The following FARS2 variants were observed in gnomAD, a reference collection of about 807,000 sequenced individuals.
FARS2 encodes phenylalanine--tRNA ligase, mitochondrial.
A neutral mutation model predicts 46.4 loss-of-function variants in FARS2; 40 were observed. The observed-to-expected ratio is 0.86, with a 90% CI of 0.67 to 1.12. The LOEUF (loss-of-function observed/expected upper bound fraction) is 1.12, where lower values mean the gene tolerates loss of function less well. Ranked by LOEUF, FARS2 falls within the 50% of genes most tolerant of loss-of-function variation. The pLI is 0.00. For synonymous variants in FARS2, 234 were observed against 214.9 expected, an observed-to-expected ratio of 1.09 and a Z score of -0.78; for missense variants, 513 against 567.9, an observed-to-expected ratio of 0.90 and a Z score of 0.98.
intron 4 of FARS2, among the ~76,000 whole-genome samples, chr6:5,473,731 GATT>G (rs1349631024): frequency 6.6e-6 from 1 of 151,798 alleles, no homozygotes; most frequent in Non-Finnish European, 1.5e-5. Context: ...GGCTAAATTG[GATT>G]ATCTTTGTTA....
At chr6:5,635,309 G>GT (rs1379204514) in intron 6 of FARS2, among the ~76,000 whole-genome samples, 1 of 152,202 alleles carries the variant, frequency 6.6e-6, no homozygotes, top group Non-Finnish European at 1.5e-5. Context: ...TGTGTTTTAT[G>GT]TTTACTCTAG....
chr6:5,269,386 C>G (rs1287321385), intron 1 of FARS2, among the ~76,000 whole-genome samples: 1 of 150,922 alleles, frequency 6.6e-6, no homozygotes, highest in East Asian at 1.9e-4. Flanking sequence ...ATACCTAATG[C>G]CAGCATGGCA....
chr6:5,353,585 C>T (rs1482663221), intron 1 of FARS2, among the ~76,000 whole-genome samples: 7 of 152,028 alleles, frequency 4.6e-5, no homozygotes, highest in African/African-American at 1.7e-4. Flanking sequence ...CCATTCTAAC[C>T]GGGGCAAGGT....
chr6:5,312,345 G>A lies in FARS2; in HGVS notation c.-22+50685G>A, dbSNP rs183674776. On this transcript the variant is annotated intron_variant, in intron 1 of 6. Transcript: ENST00000274680. ...TGTAGTATTTTTTGTGTTTCAGAAG[G>A]CCTTTTTTATACACTTTCACTTAAA... Among the ~76,000 whole-genome samples the A allele has an allele frequency of 2.6e-5, 4 of 152,190 alleles. No homozygotes were observed. In the East Asian group the frequency reaches 5.8e-4, roughly 22 times the overall value.
At chr6:5,363,027 C>T (rs1758416326) in intron 1 of FARS2, among the ~76,000 whole-genome samples, 1 of 150,264 alleles carries the variant, frequency 6.7e-6, no homozygotes, top group Non-Finnish European at 1.5e-5. Context: ...CCTGGGTTCA[C>T]ACCATTCTCC....
chr6:5,465,886 T>C (rs1468738758), intron 4 of FARS2, among the ~76,000 whole-genome samples: 2 of 152,164 alleles, frequency 1.3e-5, no homozygotes, highest in Admixed American at 1.3e-4. Context: ...GAATTTTTTT[T>C]CAAAAATAGT....
chr6:5,267,772 C>T (rs994191155), intron 1 of FARS2, among the ~76,000 whole-genome samples: 5 of 149,464 alleles, frequency 3.3e-5, no homozygotes, highest in South Asian at 4.2e-4. Flanking sequence ...AAAAAAAAAT[C>T]GCCACACTGT....
the FARS2 span, among the ~76,000 whole-genome samples, chr6:5,250,985 C>T: frequency 6.6e-6 from 1 of 152,206 alleles, no homozygotes. Context: ...AAGGTGTCTC[C>T]TCAGCCCCAG....
chr6:5,684,608 T>C (rs1354521828), intron 6 of FARS2, among the ~76,000 whole-genome samples: 1 of 152,170 alleles, frequency 6.6e-6, no homozygotes, highest in African/African-American at 2.4e-5. Flanking sequence ...AGGAGCTAGC[T>C]TCACCCTCCA....
chr6:5,687,119 T>C (rs1197141110), intron 6 of FARS2, among the ~76,000 whole-genome samples: 2 of 152,238 alleles, frequency 1.3e-5, no homozygotes, highest in Middle Eastern at 3.2e-3. Flanking sequence ...GATAAGTAGA[T>C]TGCAAAAATT....
chr6:5,475,875 C>T (rs1582214959), intron 4 of FARS2, among the ~76,000 whole-genome samples: 1 of 152,080 alleles, frequency 6.6e-6, no homozygotes, highest in African/African-American at 2.4e-5. Context: ...GGATGCCGGT[C>T]GTTGCTCCCC....
intron 6 of FARS2, among the ~76,000 whole-genome samples, chr6:5,720,400 A>C (rs1000347446): frequency 2.0e-5 from 3 of 152,120 alleles, no homozygotes; most frequent in African/African-American, 7.2e-5. Context: ...CCAGATGTTA[A>C]TTGATCAGTT....
chr6:5,493,223 AAAAAAG>A (rs1467873225), intron 4 of FARS2, among the ~76,000 whole-genome samples: 1 of 151,780 alleles, frequency 6.6e-6, no homozygotes, highest in Non-Finnish European at 1.5e-5. Flanking sequence ...AAAAAAAAAA[AAAAAAG>A]AAAAAGAAAG....
chr6:5,317,776 ATC>A (rs1052969866), intron 1 of FARS2, among the ~76,000 whole-genome samples: 5 of 151,462 alleles, frequency 3.3e-5, no homozygotes, highest in African/African-American at 1.2e-4. Flanking sequence ...CAAAGACCCT[ATC>A]TCAAAAAAAA....
At chr6:5,528,494 T>C (rs2150447141) in intron 4 of FARS2, among the ~76,000 whole-genome samples, 1 of 152,314 alleles carries the variant, frequency 6.6e-6, no homozygotes. Context: ...TTTATAGGTC[T>C]TTCTCTCTCT....
intron 5 of FARS2, among the ~76,000 whole-genome samples, chr6:5,565,840 A>G (rs1404665495): frequency 6.6e-6 from 1 of 152,202 alleles, no homozygotes; most frequent in Non-Finnish European, 1.5e-5. Flanking sequence ...TGCCAAAATG[A>G]TGACTCAAAA....
In FARS2 at chr6:5,447,432, T is replaced by C. The variant is rs570279177; in HGVS notation, c.904+16260T>C. On this transcript the variant is annotated intron_variant, in intron 4 of 6. Transcript: ENST00000274680. ...CTGCCACTGATACCCTCCAAAGAATTGTAGGTGAATTCCACAGCATGCTTT... is the reference window on the plus strand; with the variant it reads ...CTGCCACTGATACCCTCCAAAGAATCGTAGGTGAATTCCACAGCATGCTTT... Among the ~76,000 whole-genome samples the C allele has an allele frequency of 2.8e-3, 429 of 152,242 alleles. 1 individual carries two copies. Among genetic ancestry groups the C allele is most frequent in the African/African-American group, 9.9e-3 (412 of 41,538 alleles).
chr6:5,271,990 C>T (rs10458087), intron 1 of FARS2, among the ~76,000 whole-genome samples: 2,645 of 152,228 alleles, frequency 0.017, 43 homozygotes, highest in Non-Finnish European at 0.03. Context: ...TCTTAGTTAC[C>T]CAGAGTCAAC....
chr6:5,363,921 C>T (rs1758479469), intron 1 of FARS2, among the ~76,000 whole-genome samples: 1 of 152,184 alleles, frequency 6.6e-6, no homozygotes, highest in South Asian at 2.1e-4. Flanking sequence ...GTCTACATTT[C>T]CAGGATTAAT....
Sources: gnomAD v4.1 joint callset for allele counts (sites outside exome capture counted in the v4.1 genomes callset) on GRCh38, gnomAD v4.1.1 for gene constraint, MANE v1.5 for transcripts, NCBI Gene and HGNC (gene_info 2026-07-23, HGNC 2026-07-21) for gene names.